HDHD2: variants seen among roughly 807,000 people sequenced by gnomAD.
The protein encoded by HDHD2 is haloacid dehalogenase like hydrolase domain containing 2.
In HDHD2, 26 loss-of-function variants were observed where a neutral mutation model predicts 24.8. That is an observed-to-expected ratio of 1.05 (90% confidence interval 0.77 to 1.45). The LOEUF is 1.45. Ranked by LOEUF, HDHD2 falls within the 40% of genes most tolerant of loss-of-function variation. The probability of loss-of-function intolerance (pLI) is 0.00; values close to 1 mark genes in which losing one functional copy is unlikely to be tolerated. For missense variants in HDHD2, 299 were observed against 313.4 expected (o/e 0.95, Z 0.35); for synonymous variants, 128 against 114.9 (o/e 1.11, Z -0.73).
chr18:47,146,530 A>G (rs1456467236), intron 1 of HDHD2, among the ~76,000 whole-genome samples: 1 of 152,212 alleles, frequency 6.6e-6, no homozygotes, highest in Non-Finnish European at 1.5e-5. Context: ...GTGTACCATG[A>G]TACATGAACA....
intron 1 of HDHD2, among the ~76,000 whole-genome samples, chr18:47,147,597 C>T (rs1025758771): frequency 9.2e-5 from 14 of 152,096 alleles, no homozygotes; most frequent in African/African-American, 2.7e-4. Context: ...CAAGAAGAAA[C>T]GTTACCTCTG....
At chr18:47,117,291 T>C (rs2063565527) in intron 4 of HDHD2, among the ~76,000 whole-genome samples, 1 of 152,202 alleles carries the variant, frequency 6.6e-6, no homozygotes. Flanking sequence ...ATTTATCTGT[T>C]GGGAAATTAA....
At chr18:47,134,253 T>C (rs1027119854) in intron 3 of HDHD2, among the ~76,000 whole-genome samples, 2 of 152,214 alleles carry the variant, frequency 1.3e-5, no homozygotes, top group Admixed American at 6.5e-5. Flanking sequence ...AAGTATTGCT[T>C]AACTTACATA....
intron 1 of HDHD2, among the ~76,000 whole-genome samples, chr18:47,139,583 G>A (rs2063801497): frequency 6.6e-6 from 1 of 151,838 alleles, no homozygotes; most frequent in Non-Finnish European, 1.5e-5. Flanking sequence ...AGTGGGACAT[G>A]TGAAAACCTC....
chr18:47,146,114 AGC>A (rs2063867238), intron 1 of HDHD2, among the ~76,000 whole-genome samples: 1 of 151,926 alleles, frequency 6.6e-6, no homozygotes, highest in Admixed American at 6.6e-5. Flanking sequence ...CTGTAATCCC[AGC>A]TACTCGGGAG....
Position 47,136,391 on chromosome 18 carries a change from T to A in HDHD2, c.49A>T (p.Thr17Ser). The part of the protein sequence containing the change: ...LKAVLVDLSG[T>S]LHIEDAAVPG... Reference sequence around the variant, plus strand: ...ACAGCTGCATCTTCAATGTGAAGTGTGCCACTGAGATCTACCAAAACAGCT... The same window carrying A: ...ACAGCTGCATCTTCAATGTGAAGTGAGCCACTGAGATCTACCAAAACAGCT... Residue 17 changes from threonine to serine, a missense_variant, in exon 2 of 7, where the codon ACA becomes TCA. Thr to Ser is a moderately conservative substitution (Grantham distance 58, BLOSUM62 1). Coordinates refer to ENST00000300605, the MANE Select transcript of HDHD2 (RefSeq NM_032124.5). 4 of 1,613,246 alleles carry A rather than the reference T, an allele frequency of 2.5e-6. No individual in the cohort carries two copies. Among genetic ancestry groups the A allele is most frequent in the Non-Finnish European group, 3.4e-6 (4 of 1,179,864 alleles).
intron 4 of HDHD2, among the ~76,000 whole-genome samples, chr18:47,121,776 C>T (rs2063609452): frequency 6.6e-6 from 1 of 152,164 alleles, no homozygotes. Context: ...TGCCACAATA[C>T]TTTGTTCTCA....
intron 1 of HDHD2, 102 bp from the exon 2 acceptor site, chr18:47,136,551 G>T: frequency 1.1e-6 from 1 of 923,598 alleles, no homozygotes; most frequent in Non-Finnish European, 1.6e-6. Flanking sequence ...GAAAGATCCT[G>T]CTTAGTGTTA....
intron 6 of HDHD2, chr18:47,111,779 T>C (rs1461972384): frequency 1.0e-6 from 1 of 985,224 alleles, no homozygotes; most frequent in Non-Finnish European, 1.2e-6. Context: ...CATCTACATT[T>C]CTTGTTTCTA....
At chr18:47,144,245 A>C (rs1238673950) in intron 1 of HDHD2, among the ~76,000 whole-genome samples, 1 of 152,128 alleles carries the variant, frequency 6.6e-6, no homozygotes, top group African/African-American at 2.4e-5. Context: ...CTTTTTCCCC[A>C]TGGGCCTCTT....
At position 47,108,002 on chromosome 18, in the gene HDHD2, T is replaced by C. The variant is rs2063487651; in HGVS notation, c.*680A>G. On this transcript the variant is annotated 3_prime_UTR_variant, in exon 7 of 7. Coordinates refer to ENST00000300605, the MANE Select transcript of HDHD2 (RefSeq NM_032124.5). ...CAACTGTTACACAGTATAATAGGTATCTGCAATGAATAGGTTATTAATGGA... is the reference window on the plus strand; with the variant it reads ...CAACTGTTACACAGTATAATAGGTACCTGCAATGAATAGGTTATTAATGGA... 6.5e-6 allele frequency: 1 copy of C among 152,676 alleles called. No individual in the cohort carries two copies. Among genetic ancestry groups the C allele is most frequent in the South Asian group, 2.1e-4 (1 of 4,832 alleles). 9.5% of individuals were successfully genotyped at this position (152,676 alleles called of 1,614,324 possible).
At position 47,107,586 on chromosome 18, in the gene HDHD2, G is replaced by T. The variant is rs1252408697; in HGVS notation, c.*1096C>A. The T allele has an allele frequency of 6.6e-6, 1 of 152,460 alleles. No individual in the cohort carries two copies. Among genetic ancestry groups the T allele is most frequent in the Admixed American group, 6.6e-5 (1 of 15,264 alleles). The allele number at this position is 152,460 out of a possible 1,614,324, so 9.4% of individuals were successfully genotyped here. On this transcript the variant is annotated 3_prime_UTR_variant, in exon 7 of 7. Coordinates refer to ENST00000300605, the MANE Select transcript of HDHD2 (RefSeq NM_032124.5). Reference sequence around the variant, plus strand: ...TGCCCAAGAGCCCTGTAGAACTATTGCAAGGCCCAGGATTATCACAGTATG... The same window carrying T: ...TGCCCAAGAGCCCTGTAGAACTATTTCAAGGCCCAGGATTATCACAGTATG...
chr18:47,129,010 T>A (rs1211504592), intron 4 of HDHD2, among the ~76,000 whole-genome samples: 1 of 149,238 alleles, frequency 6.7e-6, no homozygotes, highest in Non-Finnish European at 1.5e-5. Context: ...GTTTTTTTTT[T>A]ATAGCATTCT....
At chr18:47,148,723 T>C (rs2063898890) in intron 1 of HDHD2, among the ~76,000 whole-genome samples, 1 of 152,238 alleles carries the variant, frequency 6.6e-6, no homozygotes, top group Non-Finnish European at 1.5e-5. Context: ...TTATATCCAC[T>C]TACTTCTCTT....
At chr18:47,118,549 GGGA>G (rs1233317641) in intron 4 of HDHD2, among the ~76,000 whole-genome samples, 2 of 152,162 alleles carry the variant, frequency 1.3e-5, no homozygotes, top group Non-Finnish European at 2.9e-5. Flanking sequence ...CATGGACACA[GGGA>G]GGAGAACAAC....
At chr18:47,116,077 C>G (rs565342607) in intron 4 of HDHD2, among the ~76,000 whole-genome samples, 1 of 152,108 alleles carries the variant, frequency 6.6e-6, no homozygotes, top group Non-Finnish European at 1.5e-5. Flanking sequence ...CTACCTATAG[C>G]TAAGAATCCT....
chr18:47,128,692 G>A (rs1179032429), intron 4 of HDHD2, among the ~76,000 whole-genome samples: 4 of 152,196 alleles, frequency 2.6e-5, no homozygotes, highest in Admixed American at 6.5e-5. Context: ...AGTGACTAGA[G>A]TCACAAATAA....
Position 47,134,588 on chromosome 18 carries a change from A to G in HDHD2, c.218T>C (p.Phe73Ser), listed in dbSNP as rs750228968. The G allele has an allele frequency of 6.2e-7, 1 of 1,614,112 alleles. No individual in the cohort carries two copies. ...LEFDISEDEIFTSLTAARSLL... is the reference protein window; with the variant it reads ...LEFDISEDEISTSLTAARSLL... ...ACTTCTGGCTGCAGTCAGAGATGTG[A>G]ATATTTCATCTTCAGAGATATCAAA... is the stretch of plus-strand genomic sequence containing the variant. The change falls in exon 3 of 7, where the codon TTC becomes TCC. Residue 73 changes from phenylalanine to serine, a missense_variant. Phe to Ser is a radical substitution (Grantham distance 155). Transcript: ENST00000300605.
chr18:47,111,236 G>T, intron 6 of HDHD2: 1 of 985,226 alleles, frequency 1.0e-6, no homozygotes, highest in Non-Finnish European at 1.2e-6. Context: ...CCTGTGAAAG[G>T]CTGGTCACAA....
Sources: gnomAD v4.1 joint callset for allele counts (sites outside exome capture counted in the v4.1 genomes callset) on GRCh38, gnomAD v4.1.1 for gene constraint, MANE v1.5 for transcripts, NCBI Gene and HGNC (gene_info 2026-07-23, HGNC 2026-07-21) for gene names.